The following SLC24A3 variants were observed in gnomAD, a reference collection of about 807,000 sequenced individuals.
SLC24A3 encodes the protein solute carrier family 24 member 3.
SLC24A3 carries 28 observed loss-of-function variants against 75.8 expected under a neutral mutation model. The ratio of observed to expected loss-of-function variants is 0.37; its 90% CI spans 0.27 to 0.51. The LOEUF (loss-of-function observed/expected upper bound fraction) is 0.51, where lower values mean the gene tolerates loss of function less well. Ranked by LOEUF, SLC24A3 falls within the 20% of genes least tolerant of loss-of-function variation. The pLI, the probability that SLC24A3 is intolerant of heterozygous loss-of-function variation, is 0.94. For synonymous variants in SLC24A3, 372 were observed against 334.1 expected (o/e 1.11, Z -1.24); for missense variants, 663 against 847.8 (o/e 0.78, Z 2.71).
chr20:19,254,114 T>C (rs917939127), intron 1 of SLC24A3, among the ~76,000 whole-genome samples: 1 of 152,172 alleles, frequency 6.6e-6, no homozygotes, highest in South Asian at 2.1e-4. Context: ...TTTATGACAT[T>C]GTATGAGGAA....
At chr20:19,380,928 T>C (rs576244433) in intron 2 of SLC24A3, among the ~76,000 whole-genome samples, 3 of 152,304 alleles carry the variant, frequency 2.0e-5, no homozygotes, top group South Asian at 4.1e-4. Context: ...CCTTGGGGAA[T>C]GACTTCTGAC....
chr20:19,294,701 A>G lies in SLC24A3; in HGVS notation c.271+13614A>G, dbSNP rs529292851. ...TAGCCTGTCATTGATTGGCATTTGG[A>G]TTGATTCCATGTCTTTGCTATTGTG... On this transcript the variant is annotated intron_variant, in intron 2 of 16. Transcript: ENST00000328041. 3.9e-5 allele frequency among the ~76,000 whole-genome samples: 6 copies of G among 152,156 alleles called. No homozygotes were observed. In the South Asian group the frequency reaches 1.2e-3, roughly 32 times the overall value.
intron 2 of SLC24A3, among the ~76,000 whole-genome samples, chr20:19,499,136 C>T (rs956957752): frequency 1.3e-5 from 2 of 152,196 alleles, no homozygotes; most frequent in East Asian, 3.8e-4. Flanking sequence ...GTAAAGACCA[C>T]CTACCTGAGG....
At chr20:19,324,069 G>A (rs945012704) in intron 2 of SLC24A3, among the ~76,000 whole-genome samples, 3 of 152,160 alleles carry the variant, frequency 2.0e-5, no homozygotes, top group South Asian at 2.1e-4. Flanking sequence ...CCCAGAAAAC[G>A]CTGCTGGTGA....
chr20:19,416,973 G>A (rs539536258), intron 2 of SLC24A3, among the ~76,000 whole-genome samples: 92 of 152,320 alleles, frequency 6.0e-4, no homozygotes, highest in African/African-American at 2.1e-3. Flanking sequence ...CAATCTTGGA[G>A]AACTTCTTGA....
intron 15 of SLC24A3, among the ~76,000 whole-genome samples, chr20:19,715,147 G>A (rs1463680556): frequency 6.6e-6 from 1 of 152,230 alleles, no homozygotes; most frequent in Non-Finnish European, 1.5e-5. Context: ...ATCTTGCTCT[G>A]AGGAGCCCAT....
At position 19,227,428 on chromosome 20, in the gene SLC24A3, A is replaced by G. The variant is rs371614308; in HGVS notation, c.142+14444A>G. ...TTTTGGCATAGAGGATTCTCATGAC[A>G]TCTGGCCCACGCCGTATCTCTTTCC... On this transcript the variant is annotated intron_variant, in intron 1 of 16. Coordinates refer to ENST00000328041, the MANE Select transcript of SLC24A3 (RefSeq NM_020689.4). Among the ~76,000 whole-genome samples the G allele has an allele frequency of 2.0e-5, 3 of 151,492 alleles. No homozygotes were observed. The South Asian group carries it at 6.2e-4, about 31-fold the overall frequency.
At chr20:19,220,527 A>G (rs968476802) in intron 1 of SLC24A3, among the ~76,000 whole-genome samples, 6 of 152,222 alleles carry the variant, frequency 3.9e-5, no homozygotes, top group Non-Finnish European at 7.3e-5. Context: ...GGAAGTCGAT[A>G]ATGCCATGTT....
chr20:19,305,449 C>T (rs1335822175), intron 2 of SLC24A3, among the ~76,000 whole-genome samples: 14 of 151,874 alleles, frequency 9.2e-5, no homozygotes, highest in South Asian at 2.1e-4. Context: ...TACGCCCTGA[C>T]GGAGGGTAGA....
intron 2 of SLC24A3, among the ~76,000 whole-genome samples, chr20:19,466,587 G>A (rs532911062): frequency 1.6e-4 from 25 of 152,262 alleles, no homozygotes; most frequent in African/African-American, 3.6e-4. Context: ...ATGTCAAAGC[G>A]TCCACCATGA....
At chr20:19,687,428 G>A (rs1287508118) in intron 12 of SLC24A3, among the ~76,000 whole-genome samples, 3 of 152,146 alleles carry the variant, frequency 2.0e-5, no homozygotes, top group East Asian at 3.8e-4. Flanking sequence ...GCAGAATCAC[G>A]AGGCTGATAG....
chr20:19,535,321 A>C (rs566308955), intron 3 of SLC24A3, among the ~76,000 whole-genome samples: 2 of 152,086 alleles, frequency 1.3e-5, no homozygotes, highest in African/African-American at 4.8e-5. Flanking sequence ...TGCCTTTCTC[A>C]TGTTTCTGTA....
chr20:19,496,342 T>C (rs1429356519), intron 2 of SLC24A3, among the ~76,000 whole-genome samples: 1 of 152,176 alleles, frequency 6.6e-6, no homozygotes, highest in South Asian at 2.1e-4. Flanking sequence ...CAGGAGCTGA[T>C]GGGCTGTGGA....
At chr20:19,689,581 C>T (rs188904627) in intron 12 of SLC24A3, among the ~76,000 whole-genome samples, 1 of 152,286 alleles carries the variant, frequency 6.6e-6, no homozygotes, top group Non-Finnish European at 1.5e-5. Context: ...AGGACATTCA[C>T]AGATATTTAT....
rs184158886 is a variant in SLC24A3 at position 19,264,816 on chromosome 20, C to T, written c.143-16143C>T. Among the ~76,000 whole-genome samples the T allele has an allele frequency of 1.9e-3, 290 of 151,892 alleles. 1 individual carries two copies. Among genetic ancestry groups the T allele is most frequent in the Middle Eastern group, 3.4e-3 (1 of 294 alleles). On this transcript the variant is annotated intron_variant, in intron 1 of 16. Transcript: ENST00000328041. The stretch of plus-strand genomic sequence containing the variant: ...GGAGCAAACCTCACCTAGTGAGGAA[C>T]GGAAGCCACAGCCTCATTCTTCACG...
intron 1 of SLC24A3, among the ~76,000 whole-genome samples, chr20:19,249,833 T>C (rs1027266710): frequency 6.6e-6 from 1 of 152,226 alleles, no homozygotes; most frequent in Non-Finnish European, 1.5e-5. Context: ...CTTTTAGCAA[T>C]TACAGTTAAT....
intron 2 of SLC24A3, among the ~76,000 whole-genome samples, chr20:19,334,879 T>C (rs1175500233): frequency 6.6e-6 from 1 of 152,198 alleles, no homozygotes; most frequent in Non-Finnish European, 1.5e-5. Flanking sequence ...GTGGGCTGAA[T>C]GTCCCCTCCC....
At chr20:19,553,408 T>C (rs2030733064) in intron 3 of SLC24A3, among the ~76,000 whole-genome samples, 1 of 152,180 alleles carries the variant, frequency 6.6e-6, no homozygotes, top group Non-Finnish European at 1.5e-5. Flanking sequence ...GTGACTTTCA[T>C]GGTGAGTGGG....
At chr20:19,329,966 C>T (rs1033086628) in intron 2 of SLC24A3, among the ~76,000 whole-genome samples, 2 of 152,126 alleles carry the variant, frequency 1.3e-5, no homozygotes, top group Non-Finnish European at 1.5e-5. Flanking sequence ...ACTGGACACC[C>T]CTCGAGCTGG....
Sources: allele counts gnomAD v4.1 joint callset (sites outside exome capture counted in the v4.1 genomes callset), GRCh38; gene constraint gnomAD v4.1.1; transcripts MANE v1.5; gene names NCBI Gene and HGNC (gene_info 2026-07-23, HGNC 2026-07-21).